Variants in MROH1 observed in about 807,000 individuals in gnomAD.
The protein encoded by MROH1 is maestro heat like repeat family member 1.
A neutral mutation model predicts 116.5 loss-of-function variants in MROH1; 117 were observed. That is an observed-to-expected ratio of 1.00 (90% CI 0.86 to 1.17). MROH1 has a LOEUF of 1.17. Among genes scored for constraint, MROH1 ranks in the 50% most tolerant of loss-of-function variants. The probability of loss-of-function intolerance (pLI) is 0.00; values close to 1 mark genes in which losing one functional copy is unlikely to be tolerated. For synonymous variants in MROH1, 921 were observed against 583.9 expected, an observed-to-expected ratio of 1.58 and a Z score of -8.32; for missense variants, 1,873 against 1,338.5, an observed-to-expected ratio of 1.40 and a Z score of -6.23.
intron 33 of MROH1, 93 bp from the exon 34 acceptor site, chr8:144,254,720 C>T (rs1049579390): frequency 9.4e-5 from 62 of 657,714 alleles, no homozygotes; most frequent in Middle Eastern, 4.1e-4. Context: ...TGTGTCTGAG[C>T]GTCGTGGAGC....
At chr8:144,250,788 G>C in intron 33 of MROH1, 1 of 354,668 alleles carries the variant, frequency 2.8e-6, no homozygotes, top group Non-Finnish European at 5.5e-6. Context: ...AGACCCCTGG[G>C]AACTGCCTGA....
At chr8:144,240,029 A>G (rs1840700619) in intron 18 of MROH1, 72 bp from the exon 19 acceptor site, 2 of 736,308 alleles carry the variant, frequency 2.7e-6, no homozygotes, top group Non-Finnish European at 5.0e-6. Context: ...CCCCAGCTCC[A>G]GGGCAGGTGC....
At chr8:144,244,041 T>C (rs1841459887) in intron 26 of MROH1, 99 bp downstream of exon 26, 5 of 721,742 alleles carry the variant, frequency 6.9e-6, no homozygotes, top group Non-Finnish European at 1.3e-5. Context: ...CATGTGCGTG[T>C]GTGTGCCTGT....
intron 29 of MROH1, 45 bp from the exon 30 acceptor site, chr8:144,247,256 C>T: frequency 2.6e-6 from 2 of 756,592 alleles, no homozygotes; most frequent in Non-Finnish European, 4.8e-6. Flanking sequence ...AGGTGGCATC[C>T]ACCCACCCCC....
At chr8:144,196,087 G>C (rs537993726) in intron 10 of MROH1, among the ~76,000 whole-genome samples, 1 of 151,820 alleles carries the variant, frequency 6.6e-6, no homozygotes, top group East Asian at 2.0e-4. Context: ...TCAGGAGTTT[G>C]AGACCAGCCT....
At chr8:144,246,190 C>T (rs1841899908) in intron 29 of MROH1, among the ~76,000 whole-genome samples, 1 of 151,508 alleles carries the variant, frequency 6.6e-6, no homozygotes, top group African/African-American at 2.4e-5. Context: ...CTCACAGCAA[C>T]CTCCGCCTCC....
chr8:144,168,441 G>A lies in MROH1; in HGVS notation c.168+1G>A. 6.2e-7 allele frequency: 1 copy of A among 1,603,686 alleles called. No individual in the cohort carries two copies. On this transcript the variant is annotated splice_donor_variant, in intron 4 of 43. Coordinates refer to ENST00000326134, the MANE Select transcript of MROH1 (RefSeq NM_032450.3). LOFTEE classifies it high-confidence loss of function. ...GGAGTATCTGCGGCAGCATGACAAG[G>A]TATGTGTGCTCCTTGGTGGGGATGA...
At chr8:144,243,451 G>A (rs986392998) in intron 24 of MROH1, 43 bp from the exon 25 acceptor site, 25 of 776,068 alleles carry the variant, frequency 3.2e-5, no homozygotes, top group Non-Finnish European at 5.3e-5. Flanking sequence ...TTCAGCCCTG[G>A]AGGGCGGGCG....
intron 14 of MROH1, among the ~76,000 whole-genome samples, chr8:144,234,508 T>G (rs1436228427): frequency 0.014 from 830 of 60,362 alleles, 6 homozygotes; most frequent in African/African-American, 0.074. Flanking sequence ...GTTTTTTTTT[T>G]TTTTTTTTTT....
Position 144,244,490 on chromosome 8 carries a change from G to T in MROH1, c.2717G>T (p.Ser906Ile). The T allele has an allele frequency of 1.3e-6, 1 of 774,326 alleles. No individual in the cohort carries two copies. Among genetic ancestry groups the T allele is most frequent in the Non-Finnish European group, 2.4e-6 (1 of 415,066 alleles). 48.0% of individuals were successfully genotyped at this position (774,326 alleles called of 1,614,324 possible). The change falls in exon 28 of 44, where the codon AGC becomes ATC. Residue 906 changes from serine to isoleucine, a missense_variant. Coordinates refer to ENST00000326134, the MANE Select transcript of MROH1 (RefSeq NM_032450.3). ...TLHALEDLLT[S>I]LLQRNMTPQG... Reference sequence around the variant, plus strand: ...CACGCCCTTGAGGATCTGCTGACGAGCCTCCTGCAGCGGAACATGACCCCC... The same window carrying T: ...CACGCCCTTGAGGATCTGCTGACGATCCTCCTGCAGCGGAACATGACCCCC...
intron 1 of MROH1, among the ~76,000 whole-genome samples, chr8:144,153,199 TTC>T (rs1817271485): frequency 6.8e-6 from 1 of 147,130 alleles, no homozygotes; most frequent in African/African-American, 2.7e-5. Context: ...CAGGAATTCC[TTC>T]TTTTTTTTTT....
intron 14 of MROH1, among the ~76,000 whole-genome samples, chr8:144,231,549 G>T (rs569770476): frequency 2.0e-4 from 31 of 152,258 alleles, no homozygotes; most frequent in Non-Finnish European, 4.3e-4. Flanking sequence ...GTGGGGAGTG[G>T]CTGGCCAGTG....
chr8:144,259,192 G>A, intron 36 of MROH1, 48 bp from the exon 37 acceptor site: 2 of 706,456 alleles, frequency 2.8e-6, no homozygotes, highest in Non-Finnish European at 5.2e-6. Context: ...CCTGGGTAGG[G>A]TTCAGCACAG....
intron 31 of MROH1, 116 bp from the exon 32 acceptor site, chr8:144,248,761 T>C (rs1842342338): frequency 1.4e-6 from 1 of 706,198 alleles, no homozygotes; most frequent in African/African-American, 1.8e-5. Flanking sequence ...GGGGCCCGGC[T>C]GCAAGAAGGG....
At chr8:144,235,820 TAC>T (rs1371201872) in intron 14 of MROH1, among the ~76,000 whole-genome samples, 1 of 152,240 alleles carries the variant, frequency 6.6e-6, no homozygotes, top group African/African-American at 2.4e-5. Flanking sequence ...TTGTAATCTG[TAC>T]ACACACATAT....
chr8:144,173,207 A>G (rs1311952701), intron 4 of MROH1, among the ~76,000 whole-genome samples: 1 of 150,326 alleles, frequency 6.7e-6, no homozygotes, highest in African/African-American at 2.5e-5. Context: ...GGGTCAAGCA[A>G]TTCTTGTGCC....
chr8:144,255,577 C>T lies in MROH1; in HGVS notation c.3663C>T (p.Pro1221=), dbSNP rs965317484. Reference sequence around the variant, plus strand: ...GGCCCGCGGTGCTCGAGCTCTACCCCCAGCTGTTTGTGGTGCTTCTGCTGC... The same window carrying T: ...GGCCCGCGGTGCTCGAGCTCTACCCTCAGCTGTTTGTGGTGCTTCTGCTGC... ...AAGPAVLELY[P]QLFVVLLLRV... The change falls in exon 35 of 44, where the codon CCC becomes CCT. Residue 1221 remains proline (P), a synonymous_variant. Transcript: ENST00000326134. The T allele has an allele frequency of 5.1e-6, 4 of 779,268 alleles. No individual in the cohort carries two copies. Among genetic ancestry groups the T allele is most frequent in the African/African-American group, 1.7e-5 (1 of 59,122 alleles). 48.3% of individuals were successfully genotyped at this position (779,268 alleles called of 1,614,324 possible).
intron 1 of MROH1, among the ~76,000 whole-genome samples, chr8:144,152,666 C>T (rs1256454007): frequency 6.6e-6 from 1 of 152,112 alleles, no homozygotes; most frequent in African/African-American, 2.4e-5. Flanking sequence ...CCTGCCTCAG[C>T]CTCCCGAGTA....
chr8:144,212,738 C>T (rs1054505011), intron 12 of MROH1, among the ~76,000 whole-genome samples: 2 of 151,788 alleles, frequency 1.3e-5, no homozygotes, highest in African/African-American at 2.4e-5. Flanking sequence ...TACAGGCATG[C>T]GCCACGACAC....
Sources: gnomAD v4.1 joint callset for allele counts (sites outside exome capture counted in the v4.1 genomes callset) on GRCh38, gnomAD v4.1.1 for gene constraint, MANE v1.5 for transcripts, NCBI Gene and HGNC (gene_info 2026-07-23, HGNC 2026-07-21) for gene names.